Variants in OTOG observed in about 807,000 individuals in gnomAD.
OTOG encodes otogelin.
A neutral mutation model predicts 313.8 loss-of-function variants in OTOG; 296 were observed. The ratio of observed to expected loss-of-function variants is 0.94; its 90% CI spans 0.86 to 1.04. The LOEUF (loss-of-function observed/expected upper bound fraction) is 1.04. OTOG is among the 50% of genes least tolerant of loss of function. OTOG has a pLI of 0.00. For missense variants in OTOG, 3,948 were observed against 3,840.1 expected, an observed-to-expected ratio of 1.03 and a Z score of -0.74; for synonymous variants, 1,533 against 1,554.9, an observed-to-expected ratio of 0.99 and a Z score of 0.33.
chr11:17,634,729 G>C, intron 44 of OTOG, 115 bp from the exon 45 acceptor site: 1 of 821,044 alleles, frequency 1.2e-6, no homozygotes, highest in Non-Finnish European at 1.9e-6. Flanking sequence ...CTGGGGGCTG[G>C]GGGGAGGAGT....
intron 3 of OTOG, among the ~76,000 whole-genome samples, 151 bp downstream of exon 3, chr11:17,548,363 C>T (rs1851855713): frequency 1.4e-5 from 2 of 145,882 alleles, no homozygotes; most frequent in Non-Finnish European, 3.0e-5. Context: ...CTGAGGTGTG[C>T]AAGTTCATAA....
At chr11:17,578,592 G>T (rs1406351482) in intron 23 of OTOG, 66 bp downstream of exon 23, 10 of 1,455,094 alleles carry the variant, frequency 6.9e-6, no homozygotes, top group Non-Finnish European at 9.0e-6. Context: ...CCACAGGGTG[G>T]AGTGGGGGCA....
intron 12 of OTOG, among the ~76,000 whole-genome samples, chr11:17,559,994 A>G (rs978801857): frequency 6.6e-6 from 1 of 152,204 alleles, no homozygotes; most frequent in Non-Finnish European, 1.5e-5. Context: ...AGTGAGGGTG[A>G]GGACAGAACT....
At position 17,609,741 on chromosome 11, in the gene OTOG, G is replaced by A. The variant is rs766676882; in HGVS notation, c.4441G>A (p.Glu1481Lys). The stretch of plus-strand genomic sequence containing the variant: ...TCAAGGGTTGCCCACTCCCAGTGAT[G>A]AGGAGCCACAGCTGTCACAGGAAAG... Reference protein sequence around the residue: ...PSQGLPTPSDEEPQLSQESPR... With the variant: ...PSQGLPTPSDKEPQLSQESPR... Residue 1481 changes from glutamate (E) to lysine (K), a missense_variant, in exon 36 of 56, where the codon GAG (glutamate) becomes AAG (lysine). Transcript: ENST00000399397. 33 of 1,547,814 alleles carry A rather than the reference G, an allele frequency of 2.1e-5. No homozygotes were observed. Among genetic ancestry groups the A allele is most frequent in the Non-Finnish European group, 2.8e-5 (32 of 1,145,694 alleles).
chr11:17,630,859 A>T (rs1854105724), intron 40 of OTOG, among the ~76,000 whole-genome samples: 1 of 152,254 alleles, frequency 6.6e-6, no homozygotes, highest in Non-Finnish European at 1.5e-5. Flanking sequence ...CCAGAAGTTT[A>T]GGTCACATTA....
Position 17,557,241 on chromosome 11 carries a change from G to T in OTOG, c.783G>T (p.Met261Ile), listed in dbSNP as rs118083195. 223 of 1,550,642 alleles carry T rather than the reference G, an allele frequency of 1.4e-4. 1 individual carries two copies. The East Asian group carries it at 5.2e-3, about 36-fold the overall frequency. ...GTGCCTCGGCTGTCTACATCAAGAT[G>T]AGTCCAGAGCTTCTGGGCTGGACCC... ...WDGASAVYIK[M>I]SPELLGWTHG... Residue 261 changes from methionine (M) to isoleucine (I), a missense_variant, in exon 8 of 56, where the codon ATG (methionine) becomes ATT (isoleucine). Coordinates refer to ENST00000399397, the MANE Select transcript of OTOG (RefSeq NM_001292063.2).
At chr11:17,641,819 C>T (rs1033628234) in intron 51 of OTOG, 28 bp from the exon 52 acceptor site, 13 of 1,515,832 alleles carry the variant, frequency 8.6e-6, no homozygotes, top group Non-Finnish European at 1.2e-5. Context: ...GGGCATCTGG[C>T]TGAGGCCCAC....
rs1488017892 is a variant in OTOG at position 17,631,937 on chromosome 11, G to C, written c.6933+15G>C. 2 of 1,548,676 alleles carry C rather than the reference G, an allele frequency of 1.3e-6. No individual in the cohort carries two copies. The highest frequency in any genetic ancestry group is 3.9e-5 in the Admixed American group (2 of 51,012). On this transcript the variant is annotated intron_variant, in intron 41 of 55. Coordinates refer to ENST00000399397, the MANE Select transcript of OTOG (RefSeq NM_001292063.2). ...GCCACCGCTTTGTATGTGCCAACTG[G>C]GTCCAGCACTGGGGACACCTCCTGG...
chr11:17,610,552 G>A lies in OTOG; in HGVS notation c.5252G>A (p.Arg1751His), dbSNP rs185432248. ...CACCCACTCCCCTCTGCACCACCCC[G>A]CCCAGCCCAGCATACCACCATGGCC... ...QPHPLPSAPP[R>H]PAQHTTMATR... The change falls in exon 36 of 56, where the codon CGC becomes CAC. Residue 1751 changes from arginine (R) to histidine (H), a missense_variant. Physicochemically the swap from Arg to His is conservative, Grantham distance 29. Coordinates refer to ENST00000399397, the MANE Select transcript of OTOG (RefSeq NM_001292063.2). 2.0e-3 allele frequency: 3,040 copies of A among 1,549,836 alleles called. 5 individuals carry two copies. Among genetic ancestry groups the A allele is most frequent in the Non-Finnish European group, 2.4e-3 (2,754 of 1,146,750 alleles).
Position 17,611,171 on chromosome 11 carries a change from T to C in OTOG, c.5871T>C (p.Ala1957=). ...CCGAGGGAGCCCAGGCAGGCACAGC[T>C]CTGCCAGTGCCCACATCCTATGCCC... ...AEPEGAQAGT[A]LPVPTSYALS... The change falls in exon 36 of 56, where the codon GCT becomes GCC. Residue 1957 remains alanine (A), a synonymous_variant. Transcript: ENST00000399397. The C allele has an allele frequency of 6.4e-7, 1 of 1,550,444 alleles. No homozygotes were observed. The highest frequency in any genetic ancestry group is 1.2e-5 in the South Asian group (1 of 84,044).
rs548971081 is a variant in OTOG at position 17,553,405 on chromosome 11, G to T, written c.426G>T (p.Ala142=). The part of the protein sequence containing the change: ...AGPERDSICR[A]WGQHHVETFD... Reference sequence around the variant, plus strand: ...CTGAGAGGGACAGCATTTGCCGGGCGTGGGGGCAGCACCACGTGGAGACAT... The same window carrying T: ...CTGAGAGGGACAGCATTTGCCGGGCTTGGGGGCAGCACCACGTGGAGACAT... The change falls in exon 6 of 56, where the codon GCG becomes GCT. Residue 142 remains alanine (A), a synonymous_variant. Coordinates refer to ENST00000399397, the MANE Select transcript of OTOG (RefSeq NM_001292063.2). 32 of 1,468,202 alleles carry T rather than the reference G, an allele frequency of 2.2e-5. 2 individuals are homozygous for T. The South Asian group carries it at 4.3e-4, about 20-fold the overall frequency. 90.9% of individuals were successfully genotyped at this position (1,468,202 alleles called of 1,614,324 possible).
At chr11:17,612,059 C>G in intron 36 of OTOG, 103 bp from the exon 37 acceptor site, 1 of 1,374,824 alleles carries the variant, frequency 7.3e-7, no homozygotes, top group Non-Finnish European at 9.9e-7. Flanking sequence ...GGTCCCCTGC[C>G]CCGCTAGGAC....
intron 31 of OTOG, among the ~76,000 whole-genome samples, chr11:17,600,910 C>G (rs966976644): frequency 4.6e-4 from 70 of 152,216 alleles, no homozygotes; most frequent in Non-Finnish European, 6.6e-4. Flanking sequence ...TGCTCTGGTC[C>G]GGGCCCGCCA....
At chr11:17,579,366 A>T (rs561899918) in intron 23 of OTOG, among the ~76,000 whole-genome samples, 1 of 152,270 alleles carries the variant, frequency 6.6e-6, no homozygotes, top group East Asian at 1.9e-4. Flanking sequence ...TACCTCCTTC[A>T]GTCTCAGAGC....
Position 17,632,124 on chromosome 11 carries a change from G to A in OTOG, c.6970G>A (p.Asp2324Asn), listed in dbSNP as rs1179811511. The A allele has an allele frequency of 6.4e-7, 1 of 1,551,064 alleles. No homozygotes were observed. The highest frequency in any genetic ancestry group is 2.0e-5 in the Admixed American group (1 of 51,012). The part of the protein sequence containing the change: ...PESFCELWIR[D>N]TKYVQQPCVA... Reference sequence around the variant, plus strand: ...GTCATTCTGTGAGCTGTGGATCCGGGACACCAAGTACGTGCAGCAGCCCTG... The same window carrying A: ...GTCATTCTGTGAGCTGTGGATCCGGAACACCAAGTACGTGCAGCAGCCCTG... The change falls in exon 42 of 56, where the codon GAC becomes AAC. Residue 2324 changes from aspartate (D) to asparagine (N), a missense_variant. By Grantham distance (23) the Asp-to-Asn change is conservative. Transcript: ENST00000399397.
chr11:17,558,946 G>T, intron 10 of OTOG, 106 bp from the exon 11 acceptor site: 2 of 920,654 alleles, frequency 2.2e-6, no homozygotes, highest in Non-Finnish European at 1.7e-6. Flanking sequence ...TCCCAGCTGG[G>T]TGGAGAGGAG....
chr11:17,553,561 A>C, intron 6 of OTOG, 42 bp downstream of exon 6: 1 of 1,390,112 alleles, frequency 7.2e-7, no homozygotes, highest in Non-Finnish European at 9.4e-7. Context: ...ATGCTTCTCT[A>C]GGCCCTGGAG....
rs921685325 is a variant in OTOG at position 17,634,242 on chromosome 11, C to A, written c.7441C>A (p.Leu2481Ile). ...CLRFGEVALL[L>I]PTKDPCCLGT... is the part of the protein sequence containing the mutation. Reference sequence around the variant, plus strand: ...GCGATTCGGGGAGGTGGCCTTGCTCCTACCCACCAAGGACCCCTGCTGCCT... The same window carrying A: ...GCGATTCGGGGAGGTGGCCTTGCTCATACCCACCAAGGACCCCTGCTGCCT... Residue 2481 changes from leucine to isoleucine, a missense_variant, in exon 44 of 56, where the codon CTA (leucine) becomes ATA (isoleucine). By Grantham distance (5) the Leu-to-Ile change is conservative. Coordinates refer to ENST00000399397, the MANE Select transcript of OTOG (RefSeq NM_001292063.2). The A allele has an allele frequency of 3.2e-6, 5 of 1,550,518 alleles. No homozygotes were observed. The highest frequency in any genetic ancestry group is 4.4e-6 in the Non-Finnish European group (5 of 1,146,942).
In OTOG at chr11:17,635,151, C is replaced by T. The variant is rs1271207528; in HGVS notation, c.7657C>T (p.Arg2553Cys). The T allele has an allele frequency of 5.2e-6, 8 of 1,547,732 alleles. No homozygotes were observed. The highest frequency in any genetic ancestry group is 2.4e-5 in the South Asian group (2 of 83,980). The change falls in exon 46 of 56, where the codon CGC becomes TGC. Residue 2553 changes from arginine to cysteine, a missense_variant. Coordinates refer to ENST00000399397, the MANE Select transcript of OTOG (RefSeq NM_001292063.2). ...CRQDQILITG[R>C]LGDSCCTSYF... The stretch of plus-strand genomic sequence containing the variant: ...ACAGGACCAGATCCTGATCACGGGC[C>T]GCCTGGGGGACTCCTGCTGCACCTC...
Sources: allele counts gnomAD v4.1 joint callset (sites outside exome capture counted in the v4.1 genomes callset), GRCh38; gene constraint gnomAD v4.1.1; transcripts MANE v1.5; gene names NCBI Gene and HGNC (gene_info 2026-07-23, HGNC 2026-07-21).